KDM6A: variants seen among roughly 807,000 people sequenced by gnomAD.
The protein encoded by KDM6A is lysine-specific demethylase 6A.
A neutral mutation model predicts 117.6 loss-of-function variants in KDM6A; 11 were observed. That is an observed-to-expected ratio of 0.09 (90% CI 0.06 to 0.15). The LOEUF (loss-of-function observed/expected upper bound fraction) is 0.15. Among genes scored for constraint, KDM6A ranks in the 10% least tolerant of loss-of-function variants. The pLI, the probability that KDM6A is intolerant of heterozygous loss-of-function variation, is 1.00. For missense variants in KDM6A, 799 were observed against 1,077.3 expected (o/e 0.74, Z 3.62); for synonymous variants, 384 against 396.1 (o/e 0.97, Z 0.36).
intron 2 of KDM6A, among the ~76,000 whole-genome samples, chrX:44,895,416 G>C (rs1428114988): frequency 9.4e-6 from 1 of 105,999 alleles, no homozygotes; most frequent in Non-Finnish European, 1.9e-5. Flanking sequence ...ACCGCTCTGG[G>C]CCAACTTTTA....
chrX:45,022,605 A>C (rs1043574053), intron 6 of KDM6A, among the ~76,000 whole-genome samples: 1 of 112,041 alleles, frequency 8.9e-6, no homozygotes, highest in African/African-American at 3.2e-5. Context: ...AGTGCTTAGC[A>C]TTCAGAATGA....
intron 10 of KDM6A, among the ~76,000 whole-genome samples, chrX:45,058,742 G>A (rs1034518540): frequency 9.0e-6 from 1 of 110,692 alleles, no homozygotes; most frequent in Non-Finnish European, 1.9e-5. Context: ...GAAGTGATAT[G>A]TCCCCTAATC....
In KDM6A at chrX:45,041,580, C is replaced by T. The variant is rs745692307; in HGVS notation, c.654+3891C>T. Among the ~76,000 whole-genome samples the T allele has an allele frequency of 7.2e-5, 8 of 110,945 alleles. No individual in the cohort carries two copies. In the South Asian group the frequency reaches 2.7e-3, roughly 37 times the overall value. On this transcript the variant is annotated intron_variant, in intron 8 of 29. Coordinates refer to ENST00000611820, the MANE Select transcript of KDM6A (RefSeq NM_001291415.2). ...GGGTTTCCTCACTTCTCAGACGGGG[C>T]GGCTGGGCAGAGACGCTCCTCACCT...
intron 13 of KDM6A, 150 bp from the exon 14 acceptor site, chrX:45,060,459 G>A (rs908319056): frequency 2.3e-5 from 12 of 524,259 alleles, no homozygotes; most frequent in Non-Finnish European, 3.4e-5. Flanking sequence ...TTATTCCATT[G>A]ATGAATCATT....
intron 18 of KDM6A, among the ~76,000 whole-genome samples, chrX:45,075,336 T>C (rs1344664972): frequency 9.0e-6 from 1 of 111,413 alleles, no homozygotes; most frequent in East Asian, 2.8e-4. Context: ...TATACCCAAA[T>C]CTAAAAGCTT....
At chrX:45,008,305 T>C (rs943182356) in intron 4 of KDM6A, among the ~76,000 whole-genome samples, 1 of 109,931 alleles carries the variant, frequency 9.1e-6, no homozygotes, top group South Asian at 3.9e-4. Context: ...ACCCGGGAGG[T>C]GGAGCTTGCA....
At chrX:45,057,306 T>C (rs1208832877) in intron 10 of KDM6A, among the ~76,000 whole-genome samples, 2 of 111,926 alleles carry the variant, frequency 1.8e-5, no homozygotes, top group African/African-American at 3.2e-5. Flanking sequence ...GACCAGCTCT[T>C]TTCTCCTTTT....
chrX:44,912,247 C>G (rs1244633638), intron 2 of KDM6A, among the ~76,000 whole-genome samples: 1 of 109,839 alleles, frequency 9.1e-6, no homozygotes, highest in Non-Finnish European at 1.9e-5. Context: ...GCCACCATGC[C>G]CAGTCAGTTT....
At chrX:45,041,624 G>T (rs11091135) in intron 8 of KDM6A, among the ~76,000 whole-genome samples, 1 of 90,824 alleles carries the variant, frequency 1.1e-5, no homozygotes, top group African/African-American at 4.0e-5. Context: ...GGGCGGCGGG[G>T]CAGAGGTGCT....
chrX:45,079,063 T>C, intron 20 of KDM6A, 83 bp from the exon 21 acceptor site: 1 of 842,250 alleles, frequency 1.2e-6, no homozygotes, highest in Non-Finnish European at 1.7e-6. Flanking sequence ...TGCTTTACCT[T>C]CTTCCTTTAA....
chrX:45,062,555 A>G (rs1469218088), intron 15 of KDM6A, 92 bp from the exon 16 acceptor site: 1 of 620,815 alleles, frequency 1.6e-6, no homozygotes, highest in East Asian at 3.6e-5. Flanking sequence ...AGTGGTTCTG[A>G]GTTTAGTCAT....
intron 2 of KDM6A, among the ~76,000 whole-genome samples, chrX:44,951,487 G>T (rs757601004): frequency 8.0e-4 from 89 of 110,784 alleles, no homozygotes; most frequent in Non-Finnish European, 1.2e-3. Context: ...TGGGAACTTA[G>T]TTTTTTTTGG....
intron 2 of KDM6A, among the ~76,000 whole-genome samples, chrX:44,897,138 C>CTTT (rs752521695): frequency 1.4e-5 from 1 of 73,024 alleles, no homozygotes; most frequent in Non-Finnish European, 2.8e-5. Context: ...AGGCTTTGTT[C>CTTT]TTTTTTTTTT....
intron 2 of KDM6A, among the ~76,000 whole-genome samples, chrX:44,943,799 TTATA>T (rs2037472228): frequency 9.0e-6 from 1 of 111,494 alleles, no homozygotes; most frequent in Non-Finnish European, 1.9e-5. Context: ...CTTCTCTGGG[TTATA>T]TATTTAGGAG....
intron 2 of KDM6A, among the ~76,000 whole-genome samples, chrX:44,938,150 G>A (rs1030756161): frequency 5.4e-5 from 6 of 111,349 alleles, no homozygotes; most frequent in African/African-American, 1.6e-4. Flanking sequence ...CGTAGAGATG[G>A]GGTCTTGCTA....
chrX:44,919,354 A>G (rs1372102693), intron 2 of KDM6A, among the ~76,000 whole-genome samples: 1 of 110,795 alleles, frequency 9.0e-6, no homozygotes, highest in Admixed American at 9.7e-5. Flanking sequence ...TTTGAGGAAT[A>G]CTGGTCAGGT....
At chrX:45,071,420 T>TA (rs1422563288) in intron 18 of KDM6A, among the ~76,000 whole-genome samples, 1 of 112,145 alleles carries the variant, frequency 8.9e-6, no homozygotes, top group Non-Finnish European at 1.9e-5. Context: ...TGCTAGTACT[T>TA]ATATGTCTTA....
rs754235094 is a variant in KDM6A, at chrX:44,873,999, G to A, written c.225+12G>A. 2 of 1,202,556 alleles carry A rather than the reference G, an allele frequency of 1.7e-6. No homozygotes were observed. The highest frequency in any genetic ancestry group is 5.9e-5 in the East Asian group (2 of 33,702). ...CCCTACTGGGCAAGGTAAGGCAGCT[G>A]CGAGTCGGAGCGCGGACACCGTCTC... On this transcript the variant is annotated intron_variant, in intron 2 of 29. Coordinates refer to ENST00000611820, the MANE Select transcript of KDM6A (RefSeq NM_001291415.2).
chrX:45,073,066 C>A, intron 18 of KDM6A, among the ~76,000 whole-genome samples: 1 of 109,346 alleles, frequency 9.1e-6, no homozygotes, highest in East Asian at 2.9e-4. Flanking sequence ...TGTTCCTCAC[C>A]CTGTGTCCAT....
Sources: allele counts gnomAD v4.1 joint callset (sites outside exome capture counted in the v4.1 genomes callset), GRCh38; gene constraint gnomAD v4.1.1; transcripts MANE v1.5; gene names NCBI Gene and HGNC (gene_info 2026-07-23, HGNC 2026-07-21).